The following CLDN16 variants were observed in gnomAD, a reference collection of about 807,000 sequenced individuals.
CLDN16 encodes the protein claudin-16.
CLDN16 carries 13 observed loss-of-function variants against 24.6 expected under a neutral mutation model. The observed-to-expected ratio is 0.53, with a 90% confidence interval of 0.34 to 0.84. CLDN16 has a LOEUF of 0.84. Among genes scored for constraint, CLDN16 ranks in the 40% least tolerant of loss-of-function variants. CLDN16 has a pLI of 0.01. For missense variants in CLDN16, 298 were observed against 292.7 expected, an observed-to-expected ratio of 1.02 and a Z score of -0.13; for synonymous variants, 116 against 106.7, an observed-to-expected ratio of 1.09 and a Z score of -0.54.
At chr3:190,385,563 A>AG (rs1718473898), upstream of CLDN16, among the ~76,000 whole-genome samples, 1 of 95,166 alleles carries the variant, frequency 1.1e-5, no homozygotes, top group East Asian at 3.4e-4. Flanking sequence ...TGAATGCTAT[A>AG]GTCTAGATTT....
intron 4 of CLDN16, among the ~76,000 whole-genome samples, 171 bp from the exon 5 acceptor site, chr3:190,409,732 T>G (rs1021627776): frequency 6.6e-6 from 1 of 152,190 alleles, no homozygotes; most frequent in Non-Finnish European, 1.5e-5. Flanking sequence ...AAAGAAACTT[T>G]CAGAATGAAA....
chr3:190,298,646 G>C, the CLDN16 span, among the ~76,000 whole-genome samples: 1 of 151,954 alleles, frequency 6.6e-6, no homozygotes, highest in East Asian at 1.9e-4. Context: ...GTAGAAACAG[G>C]GTTTCTCCAT....
chr3:190,297,427 T>A, the CLDN16 span, among the ~76,000 whole-genome samples: 3 of 147,338 alleles, frequency 2.0e-5, no homozygotes, highest in East Asian at 3.9e-4. Flanking sequence ...TATATATATA[T>A]AATTTACATA....
rs565860144 is a variant in CLDN16, at chr3:190,396,708, T to G, written c.115-5629T>G. On this transcript the variant is annotated intron_variant, in intron 1 of 4. Coordinates refer to ENST00000264734, the MANE Select transcript of CLDN16 (RefSeq NM_006580.4). ...CACATACAAAAGATAATGCAATATTTTAAATGCTATAATAATATGGACAAA... is the reference window on the plus strand; with the variant it reads ...CACATACAAAAGATAATGCAATATTGTAAATGCTATAATAATATGGACAAA... 3.9e-5 allele frequency among the ~76,000 whole-genome samples: 6 copies of G among 152,246 alleles called. No homozygotes were observed. In the South Asian group the frequency reaches 1.2e-3, roughly 32 times the overall value.
intron 1 of CLDN16, among the ~76,000 whole-genome samples, chr3:190,369,266 T>C (rs1403191304): frequency 2.0e-5 from 3 of 151,984 alleles, no homozygotes; most frequent in Admixed American, 6.6e-5. Flanking sequence ...TAACTTTCAC[T>C]GGCCCATTGT....
chr3:190,298,906 A>G, the CLDN16 span, among the ~76,000 whole-genome samples: 3 of 152,212 alleles, frequency 2.0e-5, no homozygotes, highest in African/African-American at 4.8e-5. Context: ...TACTGTAGCT[A>G]TAATTGTCAT....
the CLDN16 span, chr3:190,308,123 A>G: frequency 1.0e-5 from 9 of 885,190 alleles, no homozygotes; most frequent in Admixed American, 4.0e-5. Context: ...AGCACTGAGT[A>G]TTTTAACACA....
At chr3:190,378,760 C>T (rs1360851079) in intron 3 of CLDN16, among the ~76,000 whole-genome samples, 1 of 151,980 alleles carries the variant, frequency 6.6e-6, no homozygotes, top group African/African-American at 2.4e-5. Flanking sequence ...TCTACATTGG[C>T]TTTTGTAATT....
upstream of CLDN16, among the ~76,000 whole-genome samples, chr3:190,383,589 A>G (rs936555819): frequency 6.6e-6 from 1 of 152,148 alleles, no homozygotes; most frequent in Non-Finnish European, 1.5e-5. Flanking sequence ...ACATTATATT[A>G]CCTGAAACAT....
At chr3:190,407,540 C>T (rs564019092) in intron 3 of CLDN16, among the ~76,000 whole-genome samples, 2 of 152,218 alleles carry the variant, frequency 1.3e-5, no homozygotes, top group African/African-American at 4.8e-5. Flanking sequence ...TTTTGTCCTC[C>T]AACTCACCAC....
At chr3:190,302,068 G>T in the CLDN16 span, among the ~76,000 whole-genome samples, 641 of 152,092 alleles carry the variant, frequency 4.2e-3, 28 homozygotes, top group South Asian at 0.082. Context: ...AGCTGCGTTG[G>T]CCCCTTTGCT....
intron 1 of CLDN16, among the ~76,000 whole-genome samples, chr3:190,362,608 T>C (rs1300708487): frequency 2.0e-5 from 3 of 152,056 alleles, no homozygotes; most frequent in African/African-American, 7.2e-5. Flanking sequence ...AAATTGGCTC[T>C]GTCTAGGCAG....
At chr3:190,330,614 T>A (rs1371504790) in intron 1 of CLDN16, among the ~76,000 whole-genome samples, 1 of 152,124 alleles carries the variant, frequency 6.6e-6, no homozygotes, top group Non-Finnish European at 1.5e-5. Context: ...CCGGCACATG[T>A]TAGCTGCTCA....
the CLDN16 span, among the ~76,000 whole-genome samples, chr3:190,315,938 C>G: frequency 6.6e-6 from 1 of 152,134 alleles, no homozygotes; most frequent in African/African-American, 2.4e-5. Context: ...CTTACTGCAC[C>G]CACCTGGAAT....
At chr3:190,310,275 G>C in the CLDN16 span, 13 of 1,583,846 alleles carry the variant, frequency 8.2e-6, no homozygotes, top group South Asian at 4.4e-5. Context: ...CAAAACAAAA[G>C]ACTGTTAATC....
intron 1 of CLDN16, among the ~76,000 whole-genome samples, chr3:190,323,202 C>T (rs2108617772): frequency 6.6e-6 from 1 of 152,312 alleles, no homozygotes. Flanking sequence ...CACCAACCTC[C>T]TCCCCACAGC....
chr3:190,353,918 C>A (rs987257420), intron 1 of CLDN16, among the ~76,000 whole-genome samples: 1 of 151,996 alleles, frequency 6.6e-6, no homozygotes. Flanking sequence ...TGTTCGCTCC[C>A]AATTCTGAGG....
intron 1 of CLDN16, among the ~76,000 whole-genome samples, chr3:190,364,324 C>T (rs979023986): frequency 1.3e-5 from 2 of 151,806 alleles, no homozygotes; most frequent in African/African-American, 4.8e-5. Context: ...CTGGATCACC[C>T]GTTCATGTAG....
At chr3:190,310,379 T>C in the CLDN16 span, 2 of 705,316 alleles carry the variant, frequency 2.8e-6, no homozygotes, top group Middle Eastern at 3.7e-4. Flanking sequence ...ATTTTTATTT[T>C]GGTATTAGGG....
Sources: gnomAD v4.1 joint callset for allele counts (sites outside exome capture counted in the v4.1 genomes callset) on GRCh38, gnomAD v4.1.1 for gene constraint, MANE v1.5 for transcripts, NCBI Gene and HGNC (gene_info 2026-07-23, HGNC 2026-07-21) for gene names.